The following ATAD3A variants were observed in gnomAD, a reference collection of about 807,000 sequenced individuals.
ATAD3A encodes the protein ATPase family AAA domain containing 3A.
A neutral mutation model predicts 73.8 loss-of-function variants in ATAD3A; 46 were observed. The ratio of observed to expected loss-of-function variants is 0.62; its 90% CI spans 0.49 to 0.80. The LOEUF (loss-of-function observed/expected upper bound fraction) is 0.80. Ranked by LOEUF, ATAD3A falls within the 30% of genes least tolerant of loss-of-function variation. ATAD3A has a pLI of 0.00. For synonymous variants in ATAD3A, 319 were observed against 350.0 expected (o/e 0.91, Z 0.99); for missense variants, 705 against 838.0 (o/e 0.84, Z 1.96).
At chr1:1,521,314 A>C (rs1404542826) in intron 7 of ATAD3A, among the ~76,000 whole-genome samples, 4 of 150,674 alleles carry the variant, frequency 2.7e-5, no homozygotes, top group Non-Finnish European at 1.5e-5. Flanking sequence ...AAAAAAAAAA[A>C]AAAAAAAAAA....
rs3737714 is a variant in ATAD3A, at chr1:1,523,574, C to A, written c.963+7C>A. On this transcript the variant is annotated splice_region_variant and intron_variant, in intron 9 of 15. Transcript: ENST00000378756. The surrounding 1 kb of genome is among the most constrained non-coding windows in gnomAD (Gnocchi z 5.1). ...GGAGGGTGTTGTGCTCAGTGTAAGT[C>A]GGTGTGCCTGGGACCGGGGAGGCGC... 6.2e-7 allele frequency: 1 copy of A among 1,612,540 alleles called. No individual in the cohort carries two copies.
At chr1:1,514,798 C>T (rs1041747850) in intron 1 of ATAD3A, among the ~76,000 whole-genome samples, 2 of 152,180 alleles carry the variant, frequency 1.3e-5, no homozygotes, top group African/African-American at 2.4e-5. Flanking sequence ...GGAAGAGAGA[C>T]GGGAACAACG....
intron 2 of ATAD3A, chr1:1,517,108 C>T (rs1301724179): frequency 1.3e-5 from 20 of 1,539,382 alleles, no homozygotes; most frequent in African/African-American, 2.7e-5. Flanking sequence ...TCGCGGGCTT[C>T]TGCTGGTGCT....
rs568192273 is a variant in ATAD3A, at chr1:1,523,256, G to A, written c.907-255G>A. Among the ~76,000 whole-genome samples the A allele has an allele frequency of 3.3e-5, 5 of 152,116 alleles. No individual in the cohort carries two copies. The highest frequency in any genetic ancestry group is 2.1e-4 in the South Asian group (1 of 4,812). On this transcript the variant is annotated intron_variant, in intron 8 of 15. Coordinates refer to ENST00000378756, the MANE Select transcript of ATAD3A (RefSeq NM_001170535.3). The surrounding 1 kb of genome is among the most constrained non-coding windows in gnomAD (Gnocchi z 5.1). ...GGGAGCCGCGCCGCTCGCCGCCCCC[G>A]AGGTGCCTGCTCTCCACAGGTCACT...
In ATAD3A at chr1:1,523,897, A is replaced by G. The variant is rs1288268925; in HGVS notation, c.1022A>G (p.Asn341Ser). The G allele has an allele frequency of 6.2e-7, 1 of 1,613,908 alleles. No individual in the cohort carries two copies. The highest frequency in any genetic ancestry group is 1.1e-5 in the South Asian group (1 of 91,074). ...ATAGCAACAAGGAACACCAAGAAGA[A>G]CCGCAGCCTGTACAGGAACATCCTG... ...IAIATRNTKK[N>S]RSLYRNILMY... is the part of the protein sequence containing the mutation. The change falls in exon 10 of 16, where the codon AAC becomes AGC. Residue 341 changes from asparagine (N) to serine (S), a missense_variant. Transcript: ENST00000378756. This position sits in a 1 kb window ranked among gnomAD's most constrained non-coding sequence, Gnocchi z 5.1.
chr1:1,527,394 G>A (rs1289305664), intron 13 of ATAD3A, among the ~76,000 whole-genome samples: 2 of 152,208 alleles, frequency 1.3e-5, no homozygotes, highest in African/African-American at 4.8e-5. Flanking sequence ...TCCGGGTCCC[G>A]AATCCCTGCT....
intron 12 of ATAD3A, 129 bp downstream of exon 12, chr1:1,525,420 T>C (rs1641773172): frequency 1.6e-6 from 2 of 1,272,130 alleles, no homozygotes; most frequent in Admixed American, 2.5e-5. Flanking sequence ...CAGCTTTTTT[T>C]TTTTTTTTTT....
chr1:1,522,136 T>A (rs1042438151), intron 7 of ATAD3A, among the ~76,000 whole-genome samples: 3 of 152,044 alleles, frequency 2.0e-5, no homozygotes, highest in African/African-American at 7.2e-5. Context: ...GCCTTCCGGG[T>A]TCAAGAGATT....
In ATAD3A at chr1:1,519,136, G is replaced by C. The variant is rs1184173828; in HGVS notation, c.514+146G>C. 7 of 1,531,204 alleles carry C rather than the reference G, an allele frequency of 4.6e-6. No homozygotes were observed. The East Asian group carries it at 9.4e-5, about 20-fold the overall frequency. The allele number at this position is 1,531,204 out of a possible 1,614,324, so 94.9% of individuals were successfully genotyped here. On this transcript the variant is annotated intron_variant, in intron 5 of 15. Transcript: ENST00000378756. Reference sequence around the variant, plus strand: ...GCCTGCTGGGGCTCCGCGGGGTGGGGCTGCCTCTCGGAAGACACCTCTGTC... The same window carrying C: ...GCCTGCTGGGGCTCCGCGGGGTGGGCCTGCCTCTCGGAAGACACCTCTGTC...
chr1:1,515,561 C>G (rs1329401193), intron 1 of ATAD3A, among the ~76,000 whole-genome samples: 1 of 152,194 alleles, frequency 6.6e-6, no homozygotes, highest in Non-Finnish European at 1.5e-5. Context: ...GATGCTTGTC[C>G]TCGTCACCCT....
At chr1:1,526,023 T>A (rs563782196) in intron 12 of ATAD3A, among the ~76,000 whole-genome samples, 9 of 151,482 alleles carry the variant, frequency 5.9e-5, no homozygotes, top group African/African-American at 2.2e-4. Context: ...TTCTTTTCTT[T>A]TTCTTTTTTT....
At position 1,512,322 on chromosome 1, in the gene ATAD3A, G is replaced by A. The variant is rs1175372911; in HGVS notation, c.54G>A (p.Pro18=). The A allele has an allele frequency of 7.2e-6, 9 of 1,242,982 alleles. No individual in the cohort carries two copies. In the East Asian group the frequency reaches 2.6e-4, roughly 35 times the overall value. 77.0% of individuals were successfully genotyped at this position (1,242,982 alleles called of 1,614,324 possible). A position where few individuals can be genotyped will look rare whatever the true frequency, so the allele number is the denominator to read the frequency against. Residue 18 remains proline, a synonymous_variant, in exon 1 of 16, where the codon CCG becomes CCA. Coordinates refer to ENST00000378756, the MANE Select transcript of ATAD3A (RefSeq NM_001170535.3). ...NKGPKGEGAG[P]PPPLPPAQPG... ...GCCCCAAGGGTGAAGGCGCGGGGCC[G>A]CCGCCGCCTTTGCCGCCCGCGCAGC...
intron 14 of ATAD3A, among the ~76,000 whole-genome samples, chr1:1,528,338 G>T (rs1281651704): frequency 2.0e-5 from 3 of 151,544 alleles, no homozygotes; most frequent in Admixed American, 2.0e-4. Flanking sequence ...CCCTGGCTGT[G>T]AGGGGAGGTG....
rs370125348 is a variant in ATAD3A at position 1,527,954 on chromosome 1, ATTCCTTTTTT to A, written c.1505+95_1505+104del. The A allele has an allele frequency of 1.8e-5, 21 of 1,158,708 alleles. 2 individuals are homozygous for A. The African/African-American group carries it at 2.7e-4, about 15-fold the overall frequency. 71.8% of individuals were successfully genotyped at this position (1,158,708 alleles called of 1,614,324 possible). A position where few individuals can be genotyped will look rare whatever the true frequency, so the allele number is the denominator to read the frequency against. Reference sequence around the variant, plus strand: ...CCACCATCACTTACAAACCTTTAACATTCCTTTTTTTTTTTTTTTTTTGAGACAAAGTCTC... The same window carrying A: ...CCACCATCACTTACAAACCTTTAACATTTTTTTTTTTTGAGACAAAGTCTC... On this transcript the variant is annotated intron_variant, in intron 14 of 15. Coordinates refer to ENST00000378756, the MANE Select transcript of ATAD3A (RefSeq NM_001170535.3).
chr1:1,534,260 C>A lies in ATAD3A; in HGVS notation c.*188C>A. 7 of 1,474,642 alleles carry A rather than the reference C, an allele frequency of 4.7e-6. No individual in the cohort carries two copies. The highest frequency in any genetic ancestry group is 2.7e-5 in the East Asian group (1 of 37,432). 91.3% of individuals were successfully genotyped at this position (1,474,642 alleles called of 1,614,324 possible). A position where few individuals can be genotyped will look rare whatever the true frequency, so the allele number is the denominator to read the frequency against. ...CCCCCAGGGCACCCCCTGTTGTAGG[C>A]ACTGGCTAGGGAGGGGCAGGCCTCC... On this transcript the variant is annotated 3_prime_UTR_variant, in exon 16 of 16. Transcript: ENST00000378756.
chr1:1,529,834 G>A (rs1328130453), intron 15 of ATAD3A, among the ~76,000 whole-genome samples: 3 of 152,310 alleles, frequency 2.0e-5, no homozygotes, highest in Middle Eastern at 3.4e-3. Flanking sequence ...CTGCAGCTCC[G>A]TGGCTGCTCC....
intron 7 of ATAD3A, among the ~76,000 whole-genome samples, chr1:1,521,411 T>C (rs1469917942): frequency 2.0e-5 from 3 of 152,088 alleles, no homozygotes; most frequent in South Asian, 4.1e-4. Context: ...TCACAGATTC[T>C]TCTCTCGTTT....
chr1:1,520,352 G>T lies in ATAD3A; in HGVS notation c.680+46G>T. 6.2e-7 allele frequency: 1 copy of T among 1,602,216 alleles called. No individual in the cohort carries two copies. The highest frequency in any genetic ancestry group is 8.5e-7 in the Non-Finnish European group (1 of 1,171,708). On this transcript the variant is annotated intron_variant, in intron 6 of 15. Coordinates refer to ENST00000378756, the MANE Select transcript of ATAD3A (RefSeq NM_001170535.3). This position sits in a 1 kb window ranked among gnomAD's most constrained non-coding sequence, Gnocchi z 4.0. ...GGCCGGCCACAGATGGAGCCCCGCA[G>T]GTGTGAGTCGCTGGTCCCAGGGCGC...
intron 4 of ATAD3A, among the ~76,000 whole-genome samples, chr1:1,518,069 GCA>G (rs897445064): frequency 8.0e-5 from 12 of 150,680 alleles, no homozygotes; most frequent in African/African-American, 2.0e-4. Flanking sequence ...GCACACACGG[GCA>G]CACACACACC....
Sources: gnomAD v4.1 joint callset for allele counts (sites outside exome capture counted in the v4.1 genomes callset) on GRCh38, gnomAD v4.1.1 for gene constraint, Gnocchi (gnomAD v3.1) non-coding constraint, MANE v1.5 for transcripts, NCBI Gene and HGNC (gene_info 2026-07-23, HGNC 2026-07-21) for gene names.